Variants in GABRG3 observed in about 807,000 individuals in gnomAD.
GABRG3 encodes gamma-aminobutyric acid receptor subunit gamma-3.
In GABRG3, 25 loss-of-function variants were observed where a neutral mutation model predicts 48.8. The ratio of observed to expected loss-of-function variants is 0.51; its 90% CI spans 0.37 to 0.72. The LOEUF (loss-of-function observed/expected upper bound fraction) is 0.72. GABRG3 is among the 30% of genes least tolerant of loss of function. GABRG3 has a pLI of 0.00. For missense variants in GABRG3, 394 were observed against 577.9 expected (o/e 0.68, Z 3.26); for synonymous variants, 227 against 217.6 (o/e 1.04, Z -0.38).
At chr15:27,380,558 TTATTTTTGCAGTTAGC>T (rs1409539851) in intron 5 of GABRG3, among the ~76,000 whole-genome samples, 2 of 152,106 alleles carry the variant, frequency 1.3e-5, no homozygotes, top group African/African-American at 4.8e-5. Context: ...GAATTTGGTT[TTATTTTTGCAGTTAGC>T]TGCAGCTATA....
chr15:27,155,641 G>A (rs1367039047), intron 3 of GABRG3, among the ~76,000 whole-genome samples: 1 of 152,120 alleles, frequency 6.6e-6, no homozygotes, highest in Admixed American at 6.5e-5. Flanking sequence ...TTCCGTCCTT[G>A]GGTTTATTTA....
intron 3 of GABRG3, among the ~76,000 whole-genome samples, chr15:27,117,319 C>G (rs1257879199): frequency 6.6e-6 from 1 of 152,076 alleles, no homozygotes; most frequent in Non-Finnish European, 1.5e-5. Context: ...CACTAAATTT[C>G]AGTTTGAAGT....
At chr15:26,988,700 T>C (rs1257278383) in intron 2 of GABRG3, among the ~76,000 whole-genome samples, 1 of 152,130 alleles carries the variant, frequency 6.6e-6, no homozygotes, top group Non-Finnish European at 1.5e-5. Flanking sequence ...TTTCTTTCTT[T>C]TTTTGCTCCT....
At chr15:27,496,457 T>G (rs1890043523) in intron 6 of GABRG3, among the ~76,000 whole-genome samples, 1 of 152,212 alleles carries the variant, frequency 6.6e-6, no homozygotes, top group Non-Finnish European at 1.5e-5. Flanking sequence ...TGGTCTGTAC[T>G]TGTTGGTGCT....
chr15:27,063,428 A>G (rs553389682), intron 3 of GABRG3, among the ~76,000 whole-genome samples: 1 of 152,306 alleles, frequency 6.6e-6, no homozygotes, highest in Admixed American at 6.5e-5. Context: ...TCCCTCACGA[A>G]CGGCTTGGGC....
intron 2 of GABRG3, among the ~76,000 whole-genome samples, chr15:26,988,967 G>A (rs1336973137): frequency 1.3e-5 from 2 of 152,018 alleles, no homozygotes; most frequent in African/African-American, 2.4e-5. Flanking sequence ...CAGTCCAATG[G>A]CTTTCAGTAT....
chr15:27,091,865 C>T (rs756989007), intron 3 of GABRG3, among the ~76,000 whole-genome samples: 4 of 152,186 alleles, frequency 2.6e-5, no homozygotes, highest in Admixed American at 6.5e-5. Context: ...TAAAATCCTG[C>T]AGTGTTCTCC....
At chr15:27,263,923 CAA>C (rs71132805) in intron 3 of GABRG3, among the ~76,000 whole-genome samples, 309 of 136,846 alleles carry the variant, frequency 2.3e-3, no homozygotes, top group African/African-American at 7.4e-3. Flanking sequence ...GAGACTCTGT[CAA>C]AAAAAAAAAA....
intron 3 of GABRG3, among the ~76,000 whole-genome samples, chr15:27,307,096 A>G (rs1023924508): frequency 8.0e-5 from 10 of 125,330 alleles, no homozygotes; most frequent in African/African-American, 1.4e-4. Flanking sequence ...ATAAACATAT[A>G]ATATAAACAT....
intron 3 of GABRG3, among the ~76,000 whole-genome samples, chr15:27,105,174 T>A (rs1184766002): frequency 6.6e-6 from 1 of 152,046 alleles, no homozygotes; most frequent in Non-Finnish European, 1.5e-5. Flanking sequence ...GTAAGAAAAC[T>A]ATTAGAGATG....
chr15:27,425,418 C>T (rs1207356544), intron 5 of GABRG3, among the ~76,000 whole-genome samples: 2 of 128,016 alleles, frequency 1.6e-5, no homozygotes, highest in African/African-American at 6.0e-5. Flanking sequence ...TCCTGGCTAA[C>T]AAGGTGAAAC....
chr15:27,431,037 A>AAATCAATC (rs1555381414), intron 5 of GABRG3, among the ~76,000 whole-genome samples: 2 of 147,412 alleles, frequency 1.4e-5, no homozygotes, highest in Non-Finnish European at 3.0e-5. Context: ...ATAAATAAAT[A>AAATCAATC]AATCAGTAGT....
At chr15:27,254,299 G>A (rs755899970) in intron 3 of GABRG3, among the ~76,000 whole-genome samples, 1 of 152,162 alleles carries the variant, frequency 6.6e-6, no homozygotes, top group African/African-American at 2.4e-5. Flanking sequence ...GGAGAGGCCA[G>A]GGACTCTCGA....
chr15:27,044,125 T>C (rs1896324576), intron 3 of GABRG3, among the ~76,000 whole-genome samples: 1 of 152,150 alleles, frequency 6.6e-6, no homozygotes. Flanking sequence ...TCGGAAGTGA[T>C]GTCATGTCAC....
intron 3 of GABRG3, among the ~76,000 whole-genome samples, chr15:27,308,706 A>G (rs1280834813): frequency 6.7e-6 from 1 of 149,814 alleles, no homozygotes; most frequent in Non-Finnish European, 1.5e-5. Context: ...ATGTAAACAT[A>G]CGTTTATATG....
At chr15:27,376,289 T>A (rs1264023887) in intron 5 of GABRG3, among the ~76,000 whole-genome samples, 3 of 152,208 alleles carry the variant, frequency 2.0e-5, no homozygotes, top group South Asian at 2.1e-4. Flanking sequence ...CAGGCTGGCA[T>A]TGAGTGTCTG....
intron 5 of GABRG3, among the ~76,000 whole-genome samples, chr15:27,475,121 C>T (rs932984036): frequency 6.6e-6 from 1 of 152,046 alleles, no homozygotes; most frequent in Non-Finnish European, 1.5e-5. Flanking sequence ...CAGAGTTTGA[C>T]TCCATCTCAA....
At chr15:27,325,894 A>G (rs956300053) in intron 3 of GABRG3, among the ~76,000 whole-genome samples, 4 of 152,236 alleles carry the variant, frequency 2.6e-5, no homozygotes, top group Non-Finnish European at 5.9e-5. Context: ...TGCAAAAGTA[A>G]TATGTTTATA....
rs977766911 is a variant in GABRG3, at chr15:27,533,298, T to A, written c.*417T>A. On this transcript the variant is annotated 3_prime_UTR_variant, in exon 10 of 10. Coordinates refer to ENST00000615808, the MANE Select transcript of GABRG3 (RefSeq NM_033223.5). ...CCCTGGGTGTAGTAGCACTCAGGAG[T>A]GTTGAATCACCCCTGGCCGAGACCC... 5.5e-6 allele frequency: 1 copy of A among 180,578 alleles called. No homozygotes were observed. Among genetic ancestry groups the A allele is most frequent in the African/African-American group, 2.4e-5 (1 of 41,770 alleles). The allele number at this position is 180,578 out of a possible 1,614,324, so 11.2% of individuals were successfully genotyped here.
Sources: gnomAD v4.1 joint callset for allele counts (sites outside exome capture counted in the v4.1 genomes callset) on GRCh38, gnomAD v4.1.1 for gene constraint, MANE v1.5 for transcripts, NCBI Gene and HGNC (gene_info 2026-07-23, HGNC 2026-07-21) for gene names.